LUC7L: variants seen among roughly 807,000 people sequenced by gnomAD.
LUC7L encodes the protein putative RNA-binding protein Luc7-like 1.
Under a neutral mutation model 51.1 loss-of-function variants are expected in LUC7L, and 29 were observed. That is an observed-to-expected ratio of 0.57 (90% CI 0.42 to 0.77). The LOEUF is 0.77. Among genes scored for constraint, LUC7L ranks in the 30% least tolerant of loss-of-function variants. LUC7L has a pLI of 0.00. For synonymous variants in LUC7L, 181 were observed against 180.7 expected, an observed-to-expected ratio of 1.00 and a Z score of -0.01; for missense variants, 403 against 511.9, an observed-to-expected ratio of 0.79 and a Z score of 2.05.
chr16:201,266 A>C (rs967392877), intron 5 of LUC7L, among the ~76,000 whole-genome samples: 18 of 124,776 alleles, frequency 1.4e-4, no homozygotes, highest in Non-Finnish European at 3.6e-5. Flanking sequence ...AAAAAAAAAA[A>C]CTTAAGCAAA....
At chr16:213,446 C>A (rs147847962) in intron 3 of LUC7L, among the ~76,000 whole-genome samples, 27 of 152,248 alleles carry the variant, frequency 1.8e-4, no homozygotes, top group African/African-American at 6.5e-4. Flanking sequence ...GTCACCCAGG[C>A]TGGAGTGTAG....
chr16:218,193 CAA>C (rs112619322), intron 3 of LUC7L, among the ~76,000 whole-genome samples: 2 of 136,838 alleles, frequency 1.5e-5, no homozygotes, highest in Non-Finnish European at 1.6e-5. Flanking sequence ...CACTCCGTCT[CAA>C]AAAAAAAAAA....
rs144381786 is a variant in LUC7L, at chr16:204,710, C to T, written c.510+1294G>A. Reference sequence around the variant, plus strand: ...CTGCTCATTTACAAGATGAATTGTCCGTCTGAAATGGTAGCAACTGCAGCT... The same window carrying T: ...CTGCTCATTTACAAGATGAATTGTCTGTCTGAAATGGTAGCAACTGCAGCT... On this transcript the variant is annotated intron_variant, in intron 5 of 9. Transcript: ENST00000293872. 3.4e-3 allele frequency among the ~76,000 whole-genome samples: 518 copies of T among 152,144 alleles called. 8 individuals carry two copies. The highest frequency in any genetic ancestry group is 0.033 in the Admixed American group (497 of 15,266).
At chr16:215,488 C>T (rs1452157816) in intron 3 of LUC7L, among the ~76,000 whole-genome samples, 2 of 152,006 alleles carry the variant, frequency 1.3e-5, no homozygotes, top group South Asian at 2.1e-4. Context: ...GGCATGGTGG[C>T]GCGTGCCTGC....
intron 6 of LUC7L, 82 bp downstream of exon 6, chr16:198,980 A>T (rs1266911823): frequency 7.1e-7 from 1 of 1,418,264 alleles, no homozygotes. Flanking sequence ...ACGCCCGGCC[A>T]AAACATAAGG....
intron 3 of LUC7L, among the ~76,000 whole-genome samples, chr16:210,931 GT>G (rs879271781): frequency 3.3e-5 from 5 of 151,646 alleles, no homozygotes; most frequent in Non-Finnish European, 7.4e-5. Context: ...GGCGCCTATA[GT>G]CCCAGGTACC....
In LUC7L at chr16:190,117, C is replaced by G. The variant is rs2048973252; in HGVS notation, c.825G>C (p.Arg275=). ...RDRRRSRSRD[R]RRRRSRSTSR... ...AGGTAGATCTTGACCGCCTCCGACG[C>G]CGATCCCGGGAGCGTGACCTGAACA... The change falls in exon 9 of 10, where the codon CGG becomes CGC. Residue 275 remains arginine (R), a synonymous_variant. Transcript: ENST00000293872. The G allele has an allele frequency of 1.2e-6, 2 of 1,611,678 alleles. No individual in the cohort carries two copies. Among genetic ancestry groups the G allele is most frequent in the Non-Finnish European group, 1.7e-6 (2 of 1,179,894 alleles).
intron 6 of LUC7L, 149 bp from the exon 7 acceptor site, chr16:193,164 C>A: frequency 1.5e-6 from 1 of 668,894 alleles, no homozygotes; most frequent in Non-Finnish European, 2.6e-6. Context: ...TTTTTTTTTT[C>A]TCTTTGAAAC....
intron 6 of LUC7L, among the ~76,000 whole-genome samples, chr16:196,100 A>G (rs896244484): frequency 1.7e-4 from 26 of 151,084 alleles, no homozygotes; most frequent in Non-Finnish European, 7.4e-5. Flanking sequence ...AAGATTGCAG[A>G]TATTAAAAAA....
At chr16:220,539 A>G in intron 3 of LUC7L, 110 bp downstream of exon 3, 2 of 794,872 alleles carry the variant, frequency 2.5e-6, no homozygotes, top group Non-Finnish European at 4.2e-6. Context: ...CAGGATAACA[A>G]GCAACTACCT....
intron 3 of LUC7L, among the ~76,000 whole-genome samples, chr16:215,168 T>A (rs966209638): frequency 8.5e-5 from 13 of 152,158 alleles, no homozygotes; most frequent in Admixed American, 6.5e-5. Flanking sequence ...TTCCCAACAG[T>A]GGAATTCTGG....
intron 9 of LUC7L, chr16:189,758 T>G: frequency 7.1e-7 from 1 of 1,404,474 alleles, no homozygotes; most frequent in Non-Finnish European, 9.2e-7. Flanking sequence ...CAGGGGACAG[T>G]GCCTGTGCAG....
intron 2 of LUC7L, among the ~76,000 whole-genome samples, chr16:224,240 C>T (rs950323255): frequency 6.6e-6 from 1 of 152,054 alleles, no homozygotes; most frequent in African/African-American, 2.4e-5. Context: ...CTCATGAGGC[C>T]GAGCGCGGTG....
At chr16:228,142 A>C in intron 1 of LUC7L, 1 of 1,140,298 alleles carries the variant, frequency 8.8e-7, no homozygotes, top group South Asian at 1.9e-5. Flanking sequence ...TTTTAAAGCT[A>C]GTCTGTGTAT....
At chr16:200,027 A>T (rs1010397386) in intron 5 of LUC7L, among the ~76,000 whole-genome samples, 1 of 151,924 alleles carries the variant, frequency 6.6e-6, no homozygotes, top group African/African-American at 2.4e-5. Context: ...TCAGTGGCTC[A>T]CGCCTGTAAT....
chr16:196,675 G>C (rs2049157880), intron 6 of LUC7L, among the ~76,000 whole-genome samples: 1 of 150,958 alleles, frequency 6.6e-6, no homozygotes, highest in African/African-American at 2.4e-5. Flanking sequence ...ATACAAATGT[G>C]TACCACCATG....
At chr16:228,807 T>C in intron 1 of LUC7L, 5 of 1,289,996 alleles carry the variant, frequency 3.9e-6, no homozygotes, top group Non-Finnish European at 5.1e-6. Context: ...AAGCTCAGTT[T>C]ACGGTTCCCC....
chr16:229,097 G>A (rs957237282), intron 1 of LUC7L, 182 bp downstream of exon 1: 2 of 1,410,682 alleles, frequency 1.4e-6, no homozygotes, highest in African/African-American at 1.5e-5. Flanking sequence ...TGGACCCACG[G>A]CCGCCTCAGA....
At chr16:207,027 G>A (rs578125682) in intron 4 of LUC7L, among the ~76,000 whole-genome samples, 5 of 151,270 alleles carry the variant, frequency 3.3e-5, no homozygotes, top group African/African-American at 7.3e-5. Flanking sequence ...GTGAAACCCC[G>A]TCTCTACTAA....
Sources: gnomAD v4.1 joint callset for allele counts (sites outside exome capture counted in the v4.1 genomes callset) on GRCh38, gnomAD v4.1.1 for gene constraint, MANE v1.5 for transcripts, NCBI Gene and HGNC (gene_info 2026-07-23, HGNC 2026-07-21) for gene names.